The following PLCB1 variants were observed in gnomAD, a reference collection of about 807,000 sequenced individuals.
PLCB1 encodes 1-phosphatidylinositol 4,5-bisphosphate phosphodiesterase beta-1.
In PLCB1, 46 loss-of-function variants were observed where a neutral mutation model predicts 161.8. The ratio of observed to expected loss-of-function variants is 0.28; its 90% confidence interval spans 0.22 to 0.36. The LOEUF is 0.36. PLCB1 is among the 10% of genes least tolerant of loss of function. The pLI is 1.00. For synonymous variants in PLCB1, 517 were observed against 503.7 expected (o/e 1.03, Z -0.35); for missense variants, 1,016 against 1,472.5 (o/e 0.69, Z 5.07).
chr20:8,309,334 T>A (rs1036864117), intron 2 of PLCB1, among the ~76,000 whole-genome samples: 5 of 152,196 alleles, frequency 3.3e-5, no homozygotes, highest in Admixed American at 6.5e-5. Context: ...CACAAGACCT[T>A]ACTGGTCTAC....
intron 4 of PLCB1, among the ~76,000 whole-genome samples, chr20:8,636,951 A>G (rs1182089017): frequency 6.6e-6 from 1 of 150,932 alleles, no homozygotes; most frequent in African/African-American, 2.4e-5. Flanking sequence ...CCATCTGCCT[A>G]CCTTCTGATG....
chr20:8,784,796 C>A (rs370099391), intron 27 of PLCB1, among the ~76,000 whole-genome samples: 2 of 152,040 alleles, frequency 1.3e-5, no homozygotes, highest in Admixed American at 1.3e-4. Context: ...ATGCTTTTTC[C>A]GGAAGGAACA....
At chr20:8,801,824 A>G (rs993871816) in intron 31 of PLCB1, among the ~76,000 whole-genome samples, 2 of 152,168 alleles carry the variant, frequency 1.3e-5, no homozygotes, top group Non-Finnish European at 2.9e-5. Flanking sequence ...TAATTTTTAC[A>G]GAGAGTGGGG....
At chr20:8,695,864 A>G (rs1301279653) in intron 10 of PLCB1, among the ~76,000 whole-genome samples, 1 of 152,186 alleles carries the variant, frequency 6.6e-6, no homozygotes, top group Non-Finnish European at 1.5e-5. Context: ...GAAATTAGTG[A>G]CTTCCACTGA....
intron 2 of PLCB1, among the ~76,000 whole-genome samples, chr20:8,197,552 G>T (rs940920585): frequency 1.5e-4 from 23 of 152,084 alleles, no homozygotes. Flanking sequence ...GTAGATTCTG[G>T]ATATTAGCCC....
intron 3 of PLCB1, among the ~76,000 whole-genome samples, chr20:8,393,291 T>G (rs149534632): frequency 6.6e-6 from 1 of 152,134 alleles, no homozygotes; most frequent in Non-Finnish European, 1.5e-5. Flanking sequence ...GTTATTGTAT[T>G]TTTTTTTCCT....
chr20:8,761,980 G>A (rs1248336565), intron 25 of PLCB1, among the ~76,000 whole-genome samples: 1 of 151,690 alleles, frequency 6.6e-6, no homozygotes, highest in Non-Finnish European at 1.5e-5. Context: ...AGGCCAAGGG[G>A]GGGGCGGATC....
chr20:8,576,681 G>A (rs952452273), intron 3 of PLCB1, among the ~76,000 whole-genome samples: 1 of 152,124 alleles, frequency 6.6e-6, no homozygotes, highest in Non-Finnish European at 1.5e-5. Context: ...GGCAACCCAA[G>A]TTAATTTCCT....
intron 3 of PLCB1, among the ~76,000 whole-genome samples, chr20:8,528,190 C>A (rs1984658083): frequency 1.3e-5 from 2 of 152,058 alleles, no homozygotes; most frequent in Admixed American, 6.6e-5. Context: ...AATTCCACTT[C>A]TGCATTTCTA....
intron 31 of PLCB1, among the ~76,000 whole-genome samples, chr20:8,859,355 A>T (rs1403690287): frequency 6.6e-6 from 1 of 152,172 alleles, no homozygotes; most frequent in Non-Finnish European, 1.5e-5. Flanking sequence ...CTTTAAACTC[A>T]TGTTTCCAAA....
chr20:8,701,472 G>T (rs1277269663), intron 11 of PLCB1, among the ~76,000 whole-genome samples: 1 of 151,990 alleles, frequency 6.6e-6, no homozygotes, highest in Non-Finnish European at 1.5e-5. Context: ...ATTTAATACT[G>T]TCACCAGCCA....
chr20:8,840,652 A>C (rs1033931931), intron 31 of PLCB1, among the ~76,000 whole-genome samples: 1 of 152,156 alleles, frequency 6.6e-6, no homozygotes, highest in Non-Finnish European at 1.5e-5. Flanking sequence ...ATCTTCATAA[A>C]TGCCATAAGA....
chr20:8,259,156 T>C (rs954202684), intron 2 of PLCB1, among the ~76,000 whole-genome samples: 3 of 152,224 alleles, frequency 2.0e-5, no homozygotes, highest in Non-Finnish European at 4.4e-5. Flanking sequence ...ACAGTTCCCA[T>C]TCCCCACTTG....
chr20:8,745,153 A>T (rs1981103424), intron 23 of PLCB1, among the ~76,000 whole-genome samples: 2 of 152,144 alleles, frequency 1.3e-5, no homozygotes, highest in African/African-American at 4.8e-5. Context: ...AACTGGCCTC[A>T]TTTTTACAAC....
intron 2 of PLCB1, among the ~76,000 whole-genome samples, chr20:8,276,938 CT>C (rs1568614676): frequency 2.3e-3 from 97 of 41,448 alleles, no homozygotes; most frequent in African/African-American, 5.8e-3. Flanking sequence ...TCTTCTTCTT[CT>C]TCTTCTTCTT....
chr20:8,386,973 A>T (rs1303185171), intron 3 of PLCB1, among the ~76,000 whole-genome samples: 1 of 152,098 alleles, frequency 6.6e-6, no homozygotes, highest in Non-Finnish European at 1.5e-5. Context: ...GACTGAAGAG[A>T]GTTAGGGCCT....
At chr20:8,376,711 G>T (rs774757322) in intron 3 of PLCB1, among the ~76,000 whole-genome samples, 1 of 152,002 alleles carries the variant, frequency 6.6e-6, no homozygotes, top group Non-Finnish European at 1.5e-5. Flanking sequence ...GGCGGATCAC[G>T]AGGTCAGGAG....
intron 2 of PLCB1, among the ~76,000 whole-genome samples, chr20:8,263,324 GATGCTGAGCATATCATCAATA>G (rs1290399530): frequency 6.7e-6 from 1 of 148,524 alleles, no homozygotes; most frequent in African/African-American, 2.6e-5. Flanking sequence ...TTAAAAAGGA[GATGCTGAGCATATCATCAATA>G]AAAGTTTTAA....
chr20:8,332,668 C>T (rs1480313232), intron 2 of PLCB1, among the ~76,000 whole-genome samples: 2 of 152,200 alleles, frequency 1.3e-5, no homozygotes, highest in East Asian at 1.9e-4. Context: ...AGTAGTCAGA[C>T]TCTAGTGACA....
Sources: gnomAD v4.1 joint callset for allele counts (sites outside exome capture counted in the v4.1 genomes callset) on GRCh38, gnomAD v4.1.1 for gene constraint, MANE v1.5 for transcripts, NCBI Gene and HGNC (gene_info 2026-07-23, HGNC 2026-07-21) for gene names.